STXBP4: variants seen among roughly 807,000 people sequenced by gnomAD.
STXBP4 encodes syntaxin-binding protein 4.
STXBP4 carries 55 observed loss-of-function variants against 76.1 expected under a neutral mutation model. The observed-to-expected ratio is 0.72, with a 90% CI of 0.58 to 0.91. STXBP4 has a LOEUF of 0.91. STXBP4 is among the 40% of genes least tolerant of loss of function. STXBP4 has a pLI of 0.00. For synonymous variants in STXBP4, 201 were observed against 220.2 expected (o/e 0.91, Z 0.77); for missense variants, 618 against 636.9 (o/e 0.97, Z 0.32).
downstream of STXBP4, among the ~76,000 whole-genome samples, chr17:55,176,115 C>T (rs181923660): frequency 3.3e-5 from 5 of 152,270 alleles, no homozygotes; most frequent in East Asian, 5.8e-4. Flanking sequence ...TTATCGCCCA[C>T]CTTCTAGGGG....
At chr17:55,195,284 A>G in the STXBP4 span, among the ~76,000 whole-genome samples, 1 of 152,144 alleles carries the variant, frequency 6.6e-6, no homozygotes, top group Non-Finnish European at 1.5e-5. Context: ...ACCTTCATCC[A>G]GAGCTACTTT....
chr17:55,007,460 G>C, intron 7 of STXBP4, 46 bp from the exon 8 acceptor site: 3 of 1,398,982 alleles, frequency 2.1e-6, no homozygotes, highest in Non-Finnish European at 3.0e-6. Flanking sequence ...TAAAAATTTC[G>C]ATTCCAATTA....
intron 16 of STXBP4, among the ~76,000 whole-genome samples, chr17:55,133,734 C>T (rs1209968814): frequency 1.3e-5 from 2 of 152,104 alleles, no homozygotes; most frequent in African/African-American, 4.8e-5. Flanking sequence ...TAGTGATCAA[C>T]AGCATCACAT....
rs574213637 is a variant in STXBP4 at position 55,096,743 on chromosome 17, G to A, written c.1489+15560G>A. 9.2e-5 allele frequency among the ~76,000 whole-genome samples: 14 copies of A among 151,842 alleles called. No homozygotes were observed. The South Asian group carries it at 1.2e-3, about 13-fold the overall frequency. ...AAAAGCTCTCTTTGGGACTATTTGC[G>A]TAACAATACATAAAAAGGTAATAAT... On this transcript the variant is annotated intron_variant, in intron 16 of 17. Transcript: ENST00000376352.
At chr17:55,070,574 C>A (rs2079107913) in intron 12 of STXBP4, among the ~76,000 whole-genome samples, 1 of 152,122 alleles carries the variant, frequency 6.6e-6, no homozygotes, top group South Asian at 2.1e-4. Context: ...CATCTGGCAC[C>A]CTGCTGCCAG....
intron 17 of STXBP4, among the ~76,000 whole-genome samples, chr17:55,152,094 T>C (rs2080223314): frequency 6.6e-6 from 1 of 152,194 alleles, no homozygotes; most frequent in Non-Finnish European, 1.5e-5. Context: ...AGTCGGAAGA[T>C]TGTTTTGTCT....
At chr17:55,119,022 C>T (rs244346) in intron 16 of STXBP4, among the ~76,000 whole-genome samples, 94,497 of 150,828 alleles carry the variant, frequency 0.63, 30,258 homozygotes, top group African/African-American at 0.75. Context: ...TTGTTACATA[C>T]GTATACATGT....
intron 16 of STXBP4, among the ~76,000 whole-genome samples, chr17:55,082,563 A>T (rs1359740183): frequency 6.6e-6 from 1 of 152,130 alleles, no homozygotes; most frequent in Non-Finnish European, 1.5e-5. Context: ...GTTGCACAGG[A>T]CCGTTCAGTG....
At chr17:55,198,667 G>T in the STXBP4 span, among the ~76,000 whole-genome samples, 1 of 152,112 alleles carries the variant, frequency 6.6e-6, no homozygotes, top group Non-Finnish European at 1.5e-5. Flanking sequence ...AAGCAGATCT[G>T]ATATAAAATC....
At chr17:55,047,341 T>C (rs1265411579) in intron 12 of STXBP4, among the ~76,000 whole-genome samples, 187 bp downstream of exon 12, 1 of 151,866 alleles carries the variant, frequency 6.6e-6, no homozygotes, top group Non-Finnish European at 1.5e-5. Flanking sequence ...GCTGTACCTA[T>C]GCTAAAGTCT....
chr17:55,206,773 C>G, the STXBP4 span, among the ~76,000 whole-genome samples: 2 of 147,152 alleles, frequency 1.4e-5, no homozygotes, highest in Non-Finnish European at 3.0e-5. Flanking sequence ...AGGAGAAGTT[C>G]TTGAACCCGG....
At chr17:54,983,929 G>T (rs1489686265) in intron 1 of STXBP4, among the ~76,000 whole-genome samples, 1 of 152,110 alleles carries the variant, frequency 6.6e-6, no homozygotes, top group Admixed American at 6.6e-5. Context: ...CCTCCCTCAG[G>T]TGGCCCTTCT....
rs1410036073 is a variant in STXBP4 at position 55,167,109 on chromosome 17, A to G, written c.*7198A>G. The G allele has an allele frequency of 6.6e-6, 1 of 152,204 alleles. No individual in the cohort carries two copies. Among genetic ancestry groups the G allele is most frequent in the African/African-American group, 2.4e-5 (1 of 41,446 alleles). The allele number at this position is 152,204 out of a possible 1,614,324, so 9.4% of individuals were successfully genotyped here. ...GTTAACTGGAAGGCTTCCAACTCTGAAATCCTACCGCAGTCCCCTATTGCT... is the reference window on the plus strand; with the variant it reads ...GTTAACTGGAAGGCTTCCAACTCTGGAATCCTACCGCAGTCCCCTATTGCT... On this transcript the variant is annotated 3_prime_UTR_variant, in exon 18 of 18. Coordinates refer to ENST00000376352, the MANE Select transcript of STXBP4 (RefSeq NM_178509.6).
chr17:55,155,339 AG>A (rs913062165), intron 17 of STXBP4, among the ~76,000 whole-genome samples: 8 of 152,220 alleles, frequency 5.3e-5, no homozygotes, highest in African/African-American at 1.7e-4. Flanking sequence ...AATTGGGATT[AG>A]TTTTTAAGTA....
intron 8 of STXBP4, among the ~76,000 whole-genome samples, chr17:55,011,245 T>G (rs867829616): frequency 6.6e-6 from 1 of 151,938 alleles, no homozygotes; most frequent in Non-Finnish European, 1.5e-5. Flanking sequence ...TTTTTTAATT[T>G]TTTTTAAATT....
At chr17:54,980,532 C>T (rs9903444) in intron 1 of STXBP4, among the ~76,000 whole-genome samples, 42,701 of 152,070 alleles carry the variant, frequency 0.28, 6,258 homozygotes, top group African/African-American at 0.35. Flanking sequence ...GGCTCAAGAG[C>T]GCTGGTTACA....
At chr17:54,969,506 C>T (rs962968593) in intron 1 of STXBP4, among the ~76,000 whole-genome samples, 1 of 152,188 alleles carries the variant, frequency 6.6e-6, no homozygotes, top group Non-Finnish European at 1.5e-5. Context: ...GCCCTTAGGT[C>T]AGTTACTTGT....
intron 12 of STXBP4, among the ~76,000 whole-genome samples, chr17:55,057,468 T>A (rs1417819341): frequency 1.3e-5 from 2 of 152,216 alleles, no homozygotes; most frequent in African/African-American, 4.8e-5. Flanking sequence ...ATATGTATCA[T>A]ACAGTGGAAT....
rs375776795 is a variant in STXBP4 at position 55,095,865 on chromosome 17, C to A, written c.1489+14682C>A. On this transcript the variant is annotated intron_variant, in intron 16 of 17. Coordinates refer to ENST00000376352, the MANE Select transcript of STXBP4 (RefSeq NM_178509.6). ...TAATTCAGGTCTTCTAATTCTCTGT[C>A]CAGGGTTCCTAATAAATCCTGTGAG... 1.4e-3 allele frequency among the ~76,000 whole-genome samples: 217 copies of A among 152,190 alleles called. 1 individual carries two copies. The highest frequency in any genetic ancestry group is 5.0e-3 in the African/African-American group (208 of 41,532).
Sources: allele counts gnomAD v4.1 joint callset (sites outside exome capture counted in the v4.1 genomes callset), GRCh38; gene constraint gnomAD v4.1.1; transcripts MANE v1.5; gene names NCBI Gene and HGNC (gene_info 2026-07-23, HGNC 2026-07-21).